Variants in ZNF804B observed in about 807,000 individuals in gnomAD.
ZNF804B encodes zinc finger 804B.
In ZNF804B, 80 loss-of-function variants were observed where a neutral mutation model predicts 101.4. The observed-to-expected ratio is 0.79, with a 90% CI of 0.66 to 0.95. The LOEUF is 0.95. Ranked by LOEUF, ZNF804B falls within the 40% of genes least tolerant of loss-of-function variation. The pLI, the probability that ZNF804B is intolerant of heterozygous loss-of-function variation, is 0.00. For missense variants in ZNF804B, 1,673 were observed against 1,561.9 expected (o/e 1.07, Z -1.20); for synonymous variants, 622 against 558.8 (o/e 1.11, Z -1.59).
At position 89,248,812 on chromosome 7, in the gene ZNF804B, G is replaced by C. The variant is rs146697754; in HGVS notation, c.249+30517G>C. Among the ~76,000 whole-genome samples, 613 of 152,044 alleles carry C rather than the reference G, an allele frequency of 4.0e-3. 5 individuals are homozygous for C. Among genetic ancestry groups the C allele is most frequent in the Middle Eastern group, 0.027 (8 of 294 alleles). ...TATTAATCTTGAATGTAGGCTAAATGCCCCCCTTGAAAGTCATAGAGTGGT... is the reference window on the plus strand; with the variant it reads ...TATTAATCTTGAATGTAGGCTAAATCCCCCCCTTGAAAGTCATAGAGTGGT... On this transcript the variant is annotated intron_variant, in intron 2 of 3. Transcript: ENST00000333190.
At chr7:88,857,819 T>G (rs1481813159) in intron 1 of ZNF804B, among the ~76,000 whole-genome samples, 1 of 136,774 alleles carries the variant, frequency 7.3e-6, no homozygotes, top group Non-Finnish European at 1.5e-5. Context: ...TTTCCTTTCT[T>G]TTCTTTTTTT....
At position 88,872,374 on chromosome 7, in the gene ZNF804B, G is replaced by A. The variant is rs143877931; in HGVS notation, c.108+112290G>A. On this transcript the variant is annotated intron_variant, in intron 1 of 3. Coordinates refer to ENST00000333190, the MANE Select transcript of ZNF804B (RefSeq NM_181646.5). ...TGAGGCTGCAGTGAGCTATGATTGC[G>A]CCACTTCACTCCAGCCTGAGTGACA... is the stretch of plus-strand genomic sequence containing the variant. Among the ~76,000 whole-genome samples the A allele has an allele frequency of 3.5e-3, 531 of 152,104 alleles. 2 individuals are homozygous for A. Among genetic ancestry groups the A allele is most frequent in the African/African-American group, 0.011 (457 of 41,488 alleles).
chr7:89,012,814 C>T (rs1156320288), intron 1 of ZNF804B, among the ~76,000 whole-genome samples: 1 of 152,194 alleles, frequency 6.6e-6, no homozygotes, highest in Non-Finnish European at 1.5e-5. Flanking sequence ...CAACGCCCCA[C>T]TACTCCCAGT....
chr7:89,172,756 C>T (rs1040179559), intron 1 of ZNF804B, among the ~76,000 whole-genome samples: 2 of 152,094 alleles, frequency 1.3e-5, no homozygotes, highest in African/African-American at 2.4e-5. Context: ...TTTGAATCTT[C>T]GTTTTCTCCA....
chr7:88,902,911 G>A (rs956947450), intron 1 of ZNF804B, among the ~76,000 whole-genome samples: 1 of 151,960 alleles, frequency 6.6e-6, no homozygotes, highest in African/African-American at 2.4e-5. Context: ...AACGTAAAAT[G>A]CCAGTTTTTG....
At chr7:89,107,505 G>A (rs931963411) in intron 1 of ZNF804B, among the ~76,000 whole-genome samples, 17 of 152,058 alleles carry the variant, frequency 1.1e-4, no homozygotes, top group Non-Finnish European at 7.4e-5. Flanking sequence ...GGAATTATCC[G>A]TAGCTGAGAA....
chr7:88,925,114 C>T (rs1251167581), intron 1 of ZNF804B, among the ~76,000 whole-genome samples: 2 of 152,138 alleles, frequency 1.3e-5, no homozygotes, highest in African/African-American at 4.8e-5. Context: ...GTGGACTCTT[C>T]ATTATTTACT....
chr7:88,923,877 C>A lies in ZNF804B; in HGVS notation c.108+163793C>A, dbSNP rs139868549. Among the ~76,000 whole-genome samples, 1,106 of 152,142 alleles carry A rather than the reference C, an allele frequency of 7.3e-3. 7 individuals are homozygous for A. The highest frequency in any genetic ancestry group is 0.01 in the Non-Finnish European group (710 of 67,978). ...TTTTTAAGGTACCATGATATCCCTA[C>A]AGGTCAATAGAAATAATTAAAATAT... On this transcript the variant is annotated intron_variant, in intron 1 of 3. Coordinates refer to ENST00000333190, the MANE Select transcript of ZNF804B (RefSeq NM_181646.5).
At chr7:88,772,643 T>G (rs1199613449) in intron 1 of ZNF804B, among the ~76,000 whole-genome samples, 1 of 152,312 alleles carries the variant, frequency 6.6e-6, no homozygotes, top group African/African-American at 2.4e-5. Flanking sequence ...TCTAAATTCT[T>G]CATTAAGTCA....
At chr7:89,180,091 G>A (rs1310286849) in intron 1 of ZNF804B, among the ~76,000 whole-genome samples, 1 of 152,074 alleles carries the variant, frequency 6.6e-6, no homozygotes, top group Non-Finnish European at 1.5e-5. Flanking sequence ...GACCATGCTG[G>A]GCCAGACTTG....
Position 88,813,940 on chromosome 7 carries a change from G to C in ZNF804B, c.108+53856G>C, listed in dbSNP as rs1790833237. 5.9e-5 allele frequency among the ~76,000 whole-genome samples: 9 copies of C among 152,258 alleles called. No homozygotes were observed. In the South Asian group the frequency reaches 1.9e-3, roughly 32 times the overall value. ...GGTGAATTTGCACTCACTAGGTTTT[G>C]TAGTGAATTCTTGACATGCATAGCC... On this transcript the variant is annotated intron_variant, in intron 1 of 3. Transcript: ENST00000333190.
chr7:89,090,471 A>G (rs896293751), intron 1 of ZNF804B, among the ~76,000 whole-genome samples: 3 of 152,110 alleles, frequency 2.0e-5, no homozygotes, highest in African/African-American at 7.2e-5. Context: ...GGCACAAAGG[A>G]AAATAATCAA....
intron 1 of ZNF804B, among the ~76,000 whole-genome samples, chr7:88,975,008 AAAAT>A (rs1793596326): frequency 6.6e-6 from 1 of 151,414 alleles, no homozygotes; most frequent in Non-Finnish European, 1.5e-5. Context: ...TTAGCTCCCC[AAAAT>A]AAGTGAGAAT....
At chr7:89,087,366 C>T (rs1789820791) in intron 1 of ZNF804B, among the ~76,000 whole-genome samples, 3 of 151,770 alleles carry the variant, frequency 2.0e-5, no homozygotes. Flanking sequence ...ATGTTAAGTA[C>T]TAAATGTGCT....
intron 1 of ZNF804B, among the ~76,000 whole-genome samples, chr7:89,188,009 G>A (rs190932343): frequency 6.6e-6 from 1 of 152,114 alleles, no homozygotes; most frequent in East Asian, 1.9e-4. Flanking sequence ...GTGTGGGTTG[G>A]GAAAGTCATT....
At chr7:89,032,692 T>C (rs1788856822) in intron 1 of ZNF804B, among the ~76,000 whole-genome samples, 1 of 152,028 alleles carries the variant, frequency 6.6e-6, no homozygotes, top group South Asian at 2.1e-4. Flanking sequence ...AGGATGAAAG[T>C]CAGTTTGAAA....
At chr7:88,929,314 C>T (rs1294298300) in intron 1 of ZNF804B, among the ~76,000 whole-genome samples, 1 of 150,612 alleles carries the variant, frequency 6.6e-6, no homozygotes, top group Non-Finnish European at 1.5e-5. Context: ...CTTAGTGAAT[C>T]TTACTTTTCT....
chr7:89,057,566 C>T (rs924980301), intron 1 of ZNF804B, among the ~76,000 whole-genome samples: 1 of 152,014 alleles, frequency 6.6e-6, no homozygotes, highest in African/African-American at 2.4e-5. Context: ...CTGCTGGGCA[C>T]AGAGAAGTGT....
At position 89,092,408 on chromosome 7, in the gene ZNF804B, G is replaced by GTTTTTTTTTTTTTTTTTT. The variant is rs71120056; in HGVS notation, c.109-125742_109-125725dup. Among the ~76,000 whole-genome samples the GTTTTTTTTTTTTTTTTTT allele has an allele frequency of 3.7e-4, 35 of 93,834 alleles. 1 individual carries two copies. The highest frequency in any genetic ancestry group is 4.1e-4 in the African/African-American group (10 of 24,140). The allele number at this position is 93,834 out of a possible 152,430, so 61.6% of individuals were successfully genotyped here. ...CTAACATTGATTTCTTTTCTTTTCTGTTTTTTTTTTTTTTTTTTTTTTGAG... is the reference window on the plus strand; with the variant it reads ...CTAACATTGATTTCTTTTCTTTTCTGTTTTTTTTTTTTTTTTTTTTTTTTTTTTTTTTTTTTTTTTGAG... On this transcript the variant is annotated intron_variant, in intron 1 of 3. Coordinates refer to ENST00000333190, the MANE Select transcript of ZNF804B (RefSeq NM_181646.5).
Sources: gnomAD v4.1 joint callset for allele counts (sites outside exome capture counted in the v4.1 genomes callset) on GRCh38, gnomAD v4.1.1 for gene constraint, MANE v1.5 for transcripts, NCBI Gene and HGNC (gene_info 2026-07-23, HGNC 2026-07-21) for gene names.